The following CCDC102B variants were observed in gnomAD, a reference collection of about 807,000 sequenced individuals.
CCDC102B encodes the protein coiled-coil domain containing 102B.
A neutral mutation model predicts 57.4 loss-of-function variants in CCDC102B; 75 were observed. That is an observed-to-expected ratio of 1.31 (90% CI 1.08 to 1.58). The LOEUF (loss-of-function observed/expected upper bound fraction) is 1.58, where lower values mean the gene tolerates loss of function less well. Ranked by LOEUF, CCDC102B falls within the 40% of genes most tolerant of loss-of-function variation. The pLI is 0.00. For missense variants in CCDC102B, 636 were observed against 582.6 expected (o/e 1.09, Z -0.94); for synonymous variants, 206 against 201.9 (o/e 1.02, Z -0.17).
chr18:68,721,788 C>G (rs2032344187), intron 2 of CCDC102B, among the ~76,000 whole-genome samples: 1 of 152,152 alleles, frequency 6.6e-6, no homozygotes, highest in African/African-American at 2.4e-5. Context: ...GAAATGCAAA[C>G]TGAAGGCAAG....
chr18:68,936,128 CTT>C (rs2049229618), intron 6 of CCDC102B, among the ~76,000 whole-genome samples: 1 of 151,736 alleles, frequency 6.6e-6, no homozygotes, highest in African/African-American at 2.4e-5. Flanking sequence ...GTGTATAAGA[CTT>C]ATATGAAACA....
chr18:69,012,324 C>T (rs1412229404), intron 7 of CCDC102B, among the ~76,000 whole-genome samples: 6 of 151,988 alleles, frequency 3.9e-5, no homozygotes, highest in Non-Finnish European at 7.4e-5. Context: ...TTGTCAATAT[C>T]GGCTTTAAGA....
chr18:68,944,701 A>G (rs1380200422), intron 6 of CCDC102B, among the ~76,000 whole-genome samples: 1 of 152,030 alleles, frequency 6.6e-6, no homozygotes, highest in East Asian at 1.9e-4. Context: ...AAATAATAAT[A>G]ATAATAATAA....
intron 6 of CCDC102B, among the ~76,000 whole-genome samples, chr18:68,975,282 A>G (rs1360821587): frequency 1.3e-5 from 2 of 152,026 alleles, no homozygotes; most frequent in East Asian, 3.9e-4. Flanking sequence ...TATGCTATGA[A>G]CATTTCATAG....
intron 4 of CCDC102B, among the ~76,000 whole-genome samples, chr18:68,870,547 G>A (rs2039199584): frequency 6.6e-6 from 1 of 152,126 alleles, no homozygotes; most frequent in South Asian, 2.1e-4. Context: ...GAAATTCCAA[G>A]TACAACTGAA....
Position 68,837,305 on chromosome 18 carries a change from A to T in CCDC102B, c.542A>T (p.His181Leu), listed in dbSNP as rs748219314. The change falls in exon 2 of 8, where the codon CAT (histidine) becomes CTT (leucine). Residue 181 changes from histidine to leucine, a missense_variant. His to Leu is a moderately conservative substitution (Grantham distance 99, BLOSUM62 -3). Coordinates refer to ENST00000360242, the MANE Select transcript of CCDC102B (RefSeq NM_024781.3). ...CAATTTCAATTGAGTTCACAAATGC[A>T]TGAGTCTATCAGAGAGTATTTGGTA... ...TDQFQLSSQM[H>L]ESIREYLVKR... 1.2e-6 allele frequency: 2 copies of T among 1,613,984 alleles called. No individual in the cohort carries two copies. Among genetic ancestry groups the T allele is most frequent in the South Asian group, 2.2e-5 (2 of 91,046 alleles).
chr18:68,766,028 A>G (rs573043835), intron 2 of CCDC102B, among the ~76,000 whole-genome samples: 2 of 152,186 alleles, frequency 1.3e-5, no homozygotes, highest in Admixed American at 6.5e-5. Context: ...TTTAAAACAT[A>G]TTAATTCATA....
intron 1 of CCDC102B, among the ~76,000 whole-genome samples, chr18:68,822,945 A>T (rs2126805): frequency 1.0e-3 from 152 of 152,028 alleles, no homozygotes; most frequent in Non-Finnish European, 1.9e-3. Context: ...TGCCTAAGTG[A>T]CAAGAAACCA....
At chr18:68,972,217 G>A (rs113602781) in intron 6 of CCDC102B, among the ~76,000 whole-genome samples, 13 of 152,130 alleles carry the variant, frequency 8.5e-5, no homozygotes, top group African/African-American at 2.9e-4. Context: ...CTGTTTCCAC[G>A]TAGGTTTCTT....
downstream of CCDC102B, among the ~76,000 whole-genome samples, chr18:69,056,092 C>G (rs2052810467): frequency 6.6e-6 from 1 of 151,984 alleles, no homozygotes; most frequent in Non-Finnish European, 1.5e-5. Flanking sequence ...TTATTATTAT[C>G]CTCATAATGA....
intron 1 of CCDC102B, among the ~76,000 whole-genome samples, chr18:68,823,142 C>T (rs541278080): frequency 1.3e-5 from 2 of 152,244 alleles, no homozygotes; most frequent in African/African-American, 4.8e-5. Flanking sequence ...GAGTCATGGG[C>T]CAATGCTTCA....
Position 69,010,937 on chromosome 18 carries a change from T to C in CCDC102B, c.1267T>C (p.Leu423=). Residue 423 remains leucine (L), a synonymous_variant, in exon 7 of 8, where the codon TTA becomes CTA. Transcript: ENST00000360242. ...AATTTTTGTTTTCCTTTGAAAGGAA[T>C]TACTGAACCTTCAACATGCCTACTA... ...QIDLQEKNQE[L]LNLQHAYYKL... 6.3e-7 allele frequency: 1 copy of C among 1,585,450 alleles called. No individual in the cohort carries two copies. The highest frequency in any genetic ancestry group is 8.6e-7 in the Non-Finnish European group (1 of 1,164,944).
At chr18:69,017,813 C>T (rs571957112) in intron 7 of CCDC102B, among the ~76,000 whole-genome samples, 4 of 152,270 alleles carry the variant, frequency 2.6e-5, no homozygotes, top group South Asian at 2.1e-4. Context: ...CCCCCTGCCC[C>T]GGGTAACCAC....
At chr18:68,802,301 C>T (rs1259749148) in intron 1 of CCDC102B, among the ~76,000 whole-genome samples, 1 of 152,136 alleles carries the variant, frequency 6.6e-6, no homozygotes, top group Non-Finnish European at 1.5e-5. Flanking sequence ...ATTTTTGATA[C>T]TGCCCAGGCT....
At chr18:68,995,174 A>T (rs141422186) in intron 6 of CCDC102B, among the ~76,000 whole-genome samples, 11 of 152,282 alleles carry the variant, frequency 7.2e-5, no homozygotes, top group African/African-American at 2.2e-4. Flanking sequence ...CTTGAGAGAG[A>T]TGACCTGAAG....
intron 7 of CCDC102B, among the ~76,000 whole-genome samples, chr18:69,039,102 C>A (rs2052367824): frequency 6.6e-6 from 1 of 151,894 alleles, no homozygotes; most frequent in Non-Finnish European, 1.5e-5. Flanking sequence ...TATGTCATCT[C>A]CATCGCAAAA....
intron 2 of CCDC102B, among the ~76,000 whole-genome samples, chr18:68,730,000 T>C (rs1222700359): frequency 6.6e-6 from 1 of 152,204 alleles, no homozygotes; most frequent in Non-Finnish European, 1.5e-5. Context: ...CTCTACTTCA[T>C]TAAAATGTAA....
chr18:69,052,144 GAA>G (rs1307174167), intron 7 of CCDC102B, among the ~76,000 whole-genome samples: 1 of 151,500 alleles, frequency 6.6e-6, no homozygotes, highest in African/African-American at 2.4e-5. Context: ...AATATATACA[GAA>G]AAAAAGAAAT....
chr18:68,720,503 C>G (rs958680459), intron 2 of CCDC102B, among the ~76,000 whole-genome samples: 54 of 152,130 alleles, frequency 3.5e-4, no homozygotes, highest in African/African-American at 1.3e-3. Context: ...CATTTTAAAG[C>G]GTTCTATGCA....
Sources: allele counts gnomAD v4.1 joint callset (sites outside exome capture counted in the v4.1 genomes callset), GRCh38; gene constraint gnomAD v4.1.1; transcripts MANE v1.5; gene names NCBI Gene and HGNC (gene_info 2026-07-23, HGNC 2026-07-21).